CCDC7: variants seen among roughly 807,000 people sequenced by gnomAD.
CCDC7 encodes coiled-coil domain-containing protein 7.
A neutral mutation model predicts 196.9 loss-of-function variants in CCDC7; 183 were observed. That is an observed-to-expected ratio of 0.93 (90% CI 0.82 to 1.05). The LOEUF is 1.05. Among genes scored for constraint, CCDC7 ranks in the 50% least tolerant of loss-of-function variants. The probability of loss-of-function intolerance (pLI) is 0.00; values close to 1 mark genes in which losing one functional copy is unlikely to be tolerated. For synonymous variants in CCDC7, 525 were observed against 484.6 expected (o/e 1.08, Z -1.10); for missense variants, 1,540 against 1,482.2 (o/e 1.04, Z -0.64).
At chr10:32,832,148 G>A (rs1216920737) in intron 32 of CCDC7, among the ~76,000 whole-genome samples, 1 of 152,098 alleles carries the variant, frequency 6.6e-6, no homozygotes, top group Non-Finnish European at 1.5e-5. Context: ...ATGGTTACAT[G>A]AGTGTAACCA....
At chr10:32,838,921 G>A (rs2092796112) in intron 33 of CCDC7, among the ~76,000 whole-genome samples, 1 of 151,958 alleles carries the variant, frequency 6.6e-6, no homozygotes, top group South Asian at 2.1e-4. Context: ...GTCTTTTCCA[G>A]ACAAGCAAAT....
At chr10:32,626,339 A>G (rs1235974057) in intron 18 of CCDC7, among the ~76,000 whole-genome samples, 2 of 151,964 alleles carry the variant, frequency 1.3e-5, no homozygotes, top group Admixed American at 6.6e-5. Flanking sequence ...TTAAAAATAT[A>G]TATGTTTTCC....
chr10:32,483,596 C>T (rs2040409519), intron 8 of CCDC7, among the ~76,000 whole-genome samples: 1 of 152,130 alleles, frequency 6.6e-6, no homozygotes, highest in Admixed American at 6.6e-5. Flanking sequence ...ATGGTATTGC[C>T]TAGGTTTTCT....
exon 19 of CCDC7, chr10:32,634,294 TAA>T: frequency 8.2e-7 from 1 of 1,220,312 alleles, no homozygotes. Flanking sequence ...TGGTTGAAAA[TAA>T]AGATTCAGTA....
At chr10:32,641,707 CT>C (rs2139874699) in intron 20 of CCDC7, among the ~76,000 whole-genome samples, 1 of 152,308 alleles carries the variant, frequency 6.6e-6, no homozygotes, top group African/African-American at 2.4e-5. Context: ...AGCTGCGTTC[CT>C]TTGGAGGAGG....
In CCDC7 at chr10:32,804,785, C is replaced by T. The variant is rs543933026; in HGVS notation, c.3014-230C>T. ...TATCACCTCGATATGTGGTCTTGGT[C>T]GAATCACTAAACATTTCTATGCCTC... On this transcript the variant is annotated intron_variant, in intron 29 of 41. Coordinates refer to ENST00000639629, the Ensembl canonical transcript of CCDC7. Among the ~76,000 whole-genome samples, 7 of 152,148 alleles carry T rather than the reference C, an allele frequency of 4.6e-5. No homozygotes were observed. The East Asian group carries it at 1.2e-3, about 25-fold the overall frequency.
intron 24 of CCDC7, among the ~76,000 whole-genome samples, chr10:32,699,828 G>A (rs910086090): frequency 1.3e-5 from 2 of 149,530 alleles, no homozygotes; most frequent in Admixed American, 1.3e-4. Flanking sequence ...TTTTTCATCT[G>A]TCTGTTGACT....
At chr10:32,637,953 G>T (rs1175757796) in intron 20 of CCDC7, among the ~76,000 whole-genome samples, 3 of 152,142 alleles carry the variant, frequency 2.0e-5, no homozygotes, top group Non-Finnish European at 4.4e-5. Context: ...CACATCCCTT[G>T]TAAGTTGTAT....
intron 41 of CCDC7, among the ~76,000 whole-genome samples, chr10:32,860,674 A>G (rs1333220082): frequency 6.6e-6 from 1 of 152,142 alleles, no homozygotes; most frequent in Non-Finnish European, 1.5e-5. Context: ...CCCATCATCT[A>G]GGCCCCAAAT....
chr10:32,824,578 C>G, exon 32 of CCDC7: 1 of 1,610,940 alleles, frequency 6.2e-7, no homozygotes, highest in African/African-American at 1.3e-5. Context: ...GCAATTAAGA[C>G]GCAGTTAAAG....
chr10:32,766,867 G>A (rs1028389585), intron 28 of CCDC7, among the ~76,000 whole-genome samples: 3 of 152,022 alleles, frequency 2.0e-5, no homozygotes, highest in Admixed American at 2.0e-4. Flanking sequence ...ACTCTCTTCA[G>A]TACCCCTTTC....
chr10:32,710,058 G>T (rs950260007), intron 24 of CCDC7, among the ~76,000 whole-genome samples: 13 of 152,140 alleles, frequency 8.5e-5, no homozygotes, highest in African/African-American at 2.9e-4. Context: ...AAGGGCTTGG[G>T]TGTTCCCTTC....
At chr10:32,601,778 G>T (rs1490966326) in intron 18 of CCDC7, among the ~76,000 whole-genome samples, 1 of 152,128 alleles carries the variant, frequency 6.6e-6, no homozygotes, top group African/African-American at 2.4e-5. Flanking sequence ...CTAGCTAAAG[G>T]ATTGTAAATG....
At chr10:32,604,494 A>G (rs538131243) in intron 18 of CCDC7, among the ~76,000 whole-genome samples, 2 of 152,238 alleles carry the variant, frequency 1.3e-5, no homozygotes, top group African/African-American at 4.8e-5. Context: ...GATTGCATTG[A>G]AACTGTAGTT....
chr10:32,576,207 C>T (rs1405545382), intron 16 of CCDC7, among the ~76,000 whole-genome samples: 1 of 151,362 alleles, frequency 6.6e-6, no homozygotes, highest in African/African-American at 2.4e-5. Flanking sequence ...AGGTCACCTG[C>T]AGGTTTCAAA....
chr10:32,749,894 C>T (rs1033200704), intron 28 of CCDC7, among the ~76,000 whole-genome samples: 1 of 152,130 alleles, frequency 6.6e-6, no homozygotes, highest in African/African-American at 2.4e-5. Flanking sequence ...TAGAGTTCTA[C>T]TCTCACATAA....
intron 28 of CCDC7, among the ~76,000 whole-genome samples, chr10:32,738,970 T>C (rs2085357398): frequency 6.6e-6 from 1 of 152,292 alleles, no homozygotes; most frequent in African/African-American, 2.4e-5. Flanking sequence ...ATTATTTGTC[T>C]GGATACAGGT....
At chr10:32,766,644 C>G (rs932102091) in intron 28 of CCDC7, among the ~76,000 whole-genome samples, 1 of 152,006 alleles carries the variant, frequency 6.6e-6, no homozygotes, top group African/African-American at 2.4e-5. Context: ...CCATGGACCA[C>G]CAAGTTGCCA....
chr10:32,581,300 G>A (rs974686007), intron 16 of CCDC7, among the ~76,000 whole-genome samples: 1 of 152,124 alleles, frequency 6.6e-6, no homozygotes, highest in Non-Finnish European at 1.5e-5. Context: ...CTATATTTTG[G>A]TTGTTTTTGG....
Sources: allele counts gnomAD v4.1 joint callset (sites outside exome capture counted in the v4.1 genomes callset), GRCh38; gene constraint gnomAD v4.1.1; transcripts MANE v1.5; gene names NCBI Gene and HGNC (gene_info 2026-07-23, HGNC 2026-07-21).